Variants in PTPRN2 observed in about 807,000 individuals in gnomAD.
PTPRN2 encodes the protein protein tyrosine phosphatase receptor type N2.
PTPRN2 carries 74 observed loss-of-function variants against 118.8 expected under a neutral mutation model. The observed-to-expected ratio is 0.62, with a 90% CI of 0.52 to 0.76. The LOEUF is 0.76. Among genes scored for constraint, PTPRN2 ranks in the 30% least tolerant of loss-of-function variants. The pLI is 0.00. For missense variants in PTPRN2, 1,481 were observed against 1,394.4 expected, an observed-to-expected ratio of 1.06 and a Z score of -0.99; for synonymous variants, 641 against 608.0, an observed-to-expected ratio of 1.05 and a Z score of -0.80.
At chr7:157,788,605 T>C (rs532963057) in intron 12 of PTPRN2, among the ~76,000 whole-genome samples, 1 of 152,258 alleles carries the variant, frequency 6.6e-6, no homozygotes, top group African/African-American at 2.4e-5. Flanking sequence ...AAGGCAGATT[T>C]CCCACCATGA....
intron 2 of PTPRN2, among the ~76,000 whole-genome samples, chr7:158,439,724 G>A (rs1349725): frequency 0.034 from 5,149 of 152,292 alleles, 286 homozygotes; most frequent in African/African-American, 0.12. Context: ...GTAAAGATAT[G>A]AAAATCAGTT....
chr7:157,696,669 A>G (rs1051710851), intron 12 of PTPRN2, among the ~76,000 whole-genome samples: 5 of 149,730 alleles, frequency 3.3e-5, no homozygotes, highest in Non-Finnish European at 7.4e-5. Flanking sequence ...CTACCTATGC[A>G]TACTGGATCT....
At chr7:158,199,080 C>A (rs544668483) in intron 4 of PTPRN2, among the ~76,000 whole-genome samples, 1 of 152,032 alleles carries the variant, frequency 6.6e-6, no homozygotes, top group South Asian at 2.1e-4. Context: ...TTCTCAGGTT[C>A]CCCTTCCTTG....
At chr7:158,202,360 G>C (rs1387600239) in intron 4 of PTPRN2, among the ~76,000 whole-genome samples, 1 of 152,174 alleles carries the variant, frequency 6.6e-6, no homozygotes. Flanking sequence ...GTAGGTGTCA[G>C]AGTCGGGCAT....
At chr7:158,326,789 ACACACATGCACATTCT>A (rs1379309377) in intron 2 of PTPRN2, among the ~76,000 whole-genome samples, 1 of 147,176 alleles carries the variant, frequency 6.8e-6, no homozygotes, top group African/African-American at 2.5e-5. Flanking sequence ...ACTCACATGC[ACACACATGCACATTCT>A]CACACATGCA....
At chr7:158,162,125 C>T (rs952148230) in intron 6 of PTPRN2, among the ~76,000 whole-genome samples, 4 of 152,198 alleles carry the variant, frequency 2.6e-5, no homozygotes, top group African/African-American at 9.6e-5. Flanking sequence ...AGCTCATTCA[C>T]CACTGGTGGC....
At position 158,138,361 on chromosome 7, in the gene PTPRN2, CGCTCTCCCAGGGCT is replaced by C; in HGVS notation, c.1051_1064del (p.Ser351GlyfsTer24). 1 of 1,613,822 alleles carries C rather than the reference CGCTCTCCCAGGGCT, an allele frequency of 6.2e-7. No individual in the cohort carries two copies. Among genetic ancestry groups the C allele is most frequent in the South Asian group, 1.1e-5 (1 of 91,088 alleles). Reference sequence around the variant, plus strand: ...CCTGTTCTCCAGACTCTCCCAGGGCCGCTCTCCCAGGGCTGCCTCGAGCTACTCCATGGTCCACG... The same window carrying C: ...CCTGTTCTCCAGACTCTCCCAGGGCCGCCTCGAGCTACTCCATGGTCCACG... On this transcript the variant is annotated frameshift_variant, in exon 7 of 23. Transcript: ENST00000389418. LOFTEE classifies it high-confidence loss of function.
chr7:157,641,699 A>C (rs1013678204), intron 14 of PTPRN2, among the ~76,000 whole-genome samples: 3 of 152,130 alleles, frequency 2.0e-5, no homozygotes, highest in Admixed American at 6.5e-5. Flanking sequence ...CAGAAGAGAA[A>C]ACACTAGTGA....
Position 157,671,688 on chromosome 7 carries a change from T to C in PTPRN2, c.2001+11037A>G, listed in dbSNP as rs936638464. ...TGCGGGCTGGGGGCGGAGCGGCTACTGGAGCAGCTGCTTCTCCATTTTCGG... is the reference window on the plus strand; with the variant it reads ...TGCGGGCTGGGGGCGGAGCGGCTACCGGAGCAGCTGCTTCTCCATTTTCGG... On this transcript the variant is annotated intron_variant, in intron 13 of 22. Transcript: ENST00000389418. The surrounding 1 kb of genome is among the most constrained non-coding windows in gnomAD (Gnocchi z 4.1). Among the ~76,000 whole-genome samples, 3 of 152,134 alleles carry C rather than the reference T, an allele frequency of 2.0e-5. No individual in the cohort carries two copies. Among genetic ancestry groups the C allele is most frequent in the Admixed American group, 1.3e-4 (2 of 15,272 alleles).
chr7:157,592,531 G>A (rs1206251611), intron 17 of PTPRN2, among the ~76,000 whole-genome samples: 1 of 148,566 alleles, frequency 6.7e-6, no homozygotes, highest in African/African-American at 2.5e-5. Context: ...GTCGTTGAGT[G>A]TGGACGCCGA....
chr7:158,022,021 G>A lies in PTPRN2; in HGVS notation c.1723+59277C>T, dbSNP rs1281084573. Among the ~76,000 whole-genome samples, 4 of 152,096 alleles carry A rather than the reference G, an allele frequency of 2.6e-5. No individual in the cohort carries two copies. The highest frequency in any genetic ancestry group is 2.0e-4 in the Admixed American group (3 of 15,274). On this transcript the variant is annotated intron_variant, in intron 11 of 22. Transcript: ENST00000389418. The surrounding 1 kb of genome is among the most constrained non-coding windows in gnomAD (Gnocchi z 4.6). The stretch of plus-strand genomic sequence containing the variant: ...CCGGGCAGCCTCGCCCATCCACCAT[G>A]AGGCGAGACCCCACACTCCAGCTGG...
At chr7:158,311,810 C>A (rs1389305707) in intron 3 of PTPRN2, among the ~76,000 whole-genome samples, 1 of 152,190 alleles carries the variant, frequency 6.6e-6, no homozygotes, top group Non-Finnish European at 1.5e-5. Flanking sequence ...AACATGCTCA[C>A]GTGTAGACAC....
rs567122924 is a variant in PTPRN2, at chr7:157,904,645, C to T, written c.1724-5908G>A. On this transcript the variant is annotated intron_variant, in intron 11 of 22. Coordinates refer to ENST00000389418, the MANE Select transcript of PTPRN2 (RefSeq NM_002847.5). ...TACGCGTTCCCTTGGCGCTGTGGAA[C>T]GAGCCAGTGTCTGTGGGGCGTCAGC... 7.2e-5 allele frequency among the ~76,000 whole-genome samples: 11 copies of T among 152,364 alleles called. No homozygotes were observed. The East Asian group carries it at 1.4e-3, about 19-fold the overall frequency.
intron 11 of PTPRN2, among the ~76,000 whole-genome samples, chr7:158,006,964 G>A (rs954600235): frequency 3.9e-5 from 6 of 152,258 alleles, no homozygotes; most frequent in East Asian, 1.9e-4. Context: ...CAGCCTGAGC[G>A]GCTCAAACAA....
At chr7:157,806,584 G>T (rs925619057) in intron 12 of PTPRN2, among the ~76,000 whole-genome samples, 1 of 152,154 alleles carries the variant, frequency 6.6e-6, no homozygotes, top group Non-Finnish European at 1.5e-5. Flanking sequence ...ATGTATATGC[G>T]TGTACATCTG....
chr7:158,247,139 A>G (rs892906733), intron 3 of PTPRN2, among the ~76,000 whole-genome samples: 1 of 152,138 alleles, frequency 6.6e-6, no homozygotes, highest in African/African-American at 2.4e-5. Flanking sequence ...GCCCATCCCC[A>G]TATCTGCACA....
At chr7:157,781,827 G>A (rs1803698124) in intron 12 of PTPRN2, among the ~76,000 whole-genome samples, 1 of 152,216 alleles carries the variant, frequency 6.6e-6, no homozygotes, top group Non-Finnish European at 1.5e-5. Context: ...ACATCCCACT[G>A]CTGTCGCTGA....
At chr7:158,468,925 C>A (rs1819590142) in intron 2 of PTPRN2, among the ~76,000 whole-genome samples, 1 of 152,070 alleles carries the variant, frequency 6.6e-6, no homozygotes, top group African/African-American at 2.4e-5. Flanking sequence ...AGGCACACTC[C>A]TGGTGGATCA....
intron 11 of PTPRN2, among the ~76,000 whole-genome samples, chr7:157,966,344 A>G (rs905415795): frequency 1.3e-5 from 2 of 151,972 alleles, no homozygotes; most frequent in African/African-American, 2.4e-5. Context: ...CACCACCACC[A>G]TCATTTTCAT....
Sources: gnomAD v4.1 joint callset for allele counts (sites outside exome capture counted in the v4.1 genomes callset) on GRCh38, gnomAD v4.1.1 for gene constraint, Gnocchi (gnomAD v3.1) non-coding constraint, MANE v1.5 for transcripts, NCBI Gene and HGNC (gene_info 2026-07-23, HGNC 2026-07-21) for gene names.